TTC1: variants seen among roughly 807,000 people sequenced by gnomAD.
TTC1 encodes the protein tetratricopeptide repeat domain 1.
TTC1 carries 31 observed loss-of-function variants against 37.6 expected under a neutral mutation model. The observed-to-expected ratio is 0.82, with a 90% CI of 0.62 to 1.11. The LOEUF (loss-of-function observed/expected upper bound fraction) is 1.11. TTC1 is among the 50% of genes most tolerant of loss of function. The pLI, the probability that TTC1 is intolerant of heterozygous loss-of-function variation, is 0.00. For missense variants in TTC1, 351 were observed against 339.0 expected, an observed-to-expected ratio of 1.04 and a Z score of -0.28; for synonymous variants, 127 against 122.4, an observed-to-expected ratio of 1.04 and a Z score of -0.25.
At chr5:160,044,193 G>A (rs1240283585) in intron 5 of TTC1, among the ~76,000 whole-genome samples, 1 of 152,048 alleles carries the variant, frequency 6.6e-6, no homozygotes, top group African/African-American at 2.4e-5. Context: ...AACCTTATAT[G>A]TTATCTAGAT....
chr5:160,011,481 C>G (rs1212284426), intron 2 of TTC1, among the ~76,000 whole-genome samples: 2 of 152,168 alleles, frequency 1.3e-5, no homozygotes, highest in African/African-American at 2.4e-5. Flanking sequence ...AAGGAAACAG[C>G]TTAGAGGGAT....
intron 2 of TTC1, among the ~76,000 whole-genome samples, chr5:160,025,485 C>A (rs183501771): frequency 6.6e-6 from 1 of 152,162 alleles, no homozygotes; most frequent in African/African-American, 2.4e-5. Flanking sequence ...ACATAGGTCT[C>A]GAAATGACTA....
intron 3 of TTC1, 59 bp downstream of exon 3, chr5:160,035,259 GT>G: frequency 7.1e-7 from 1 of 1,406,030 alleles, no homozygotes; most frequent in Admixed American, 2.3e-5. Context: ...CTGTTGTAGA[GT>G]CTGTGAAGAA....
At chr5:160,036,951 A>G in intron 4 of TTC1, 148 bp downstream of exon 4, 1 of 574,284 alleles carries the variant, frequency 1.7e-6, no homozygotes. Context: ...CAGGGAGAAT[A>G]GAAAATCTTT....
rs1202139318 is a variant in TTC1, at chr5:160,045,520, A to ACACT, written c.541+2352_541+2353insACTC. On this transcript the variant is annotated intron_variant, in intron 5 of 7. Coordinates refer to ENST00000231238, the MANE Select transcript of TTC1 (RefSeq NM_003314.3). ...CACACACACACACACACACATACAC[A>ACACT]CTCTCTCTCTCTCTCTCTCTCTCTC... Among the ~76,000 whole-genome samples the ACACT allele has an allele frequency of 1.3e-3, 70 of 54,870 alleles. 3 individuals are homozygous for ACACT. Among genetic ancestry groups the ACACT allele is most frequent in the Non-Finnish European group, 1.7e-3 (51 of 30,656 alleles). The allele number at this position is 54,870 out of a possible 152,430, so 36.0% of individuals were successfully genotyped here.
chr5:160,051,931 C>T (rs1223641938), intron 7 of TTC1, among the ~76,000 whole-genome samples: 1 of 152,176 alleles, frequency 6.6e-6, no homozygotes, highest in East Asian at 1.9e-4. Context: ...AATCATGTGG[C>T]CCTAAAGGAA....
chr5:160,032,259 C>T (rs1300446115), intron 2 of TTC1, among the ~76,000 whole-genome samples: 3 of 152,128 alleles, frequency 2.0e-5, no homozygotes, highest in Non-Finnish European at 4.4e-5. Context: ...GATTATAGAT[C>T]AGAAAATAGC....
chr5:160,025,200 A>G (rs1348681066), intron 2 of TTC1, among the ~76,000 whole-genome samples: 4 of 151,780 alleles, frequency 2.6e-5, no homozygotes, highest in Non-Finnish European at 5.9e-5. Context: ...GCTAATTTTT[A>G]TATTTTTAAT....
chr5:160,053,474 G>C (rs1390220344), intron 7 of TTC1, among the ~76,000 whole-genome samples: 1 of 152,062 alleles, frequency 6.6e-6, no homozygotes, highest in Non-Finnish European at 1.5e-5. Flanking sequence ...TGCTGTGGGA[G>C]GATCACTTGA....
intron 7 of TTC1, among the ~76,000 whole-genome samples, chr5:160,062,789 C>A (rs1753460720): frequency 6.6e-6 from 1 of 152,004 alleles, no homozygotes; most frequent in Admixed American, 6.5e-5. Flanking sequence ...CCAACATTTT[C>A]TTGGGCTGCT....
intron 2 of TTC1, among the ~76,000 whole-genome samples, chr5:160,023,180 C>T (rs1055146898): frequency 3.3e-5 from 5 of 151,084 alleles, no homozygotes; most frequent in African/African-American, 4.9e-5. Flanking sequence ...CACTTGAACC[C>T]GGTAGGCGGA....
At chr5:160,028,114 A>G (rs1021238345) in intron 2 of TTC1, among the ~76,000 whole-genome samples, 5 of 152,012 alleles carry the variant, frequency 3.3e-5, no homozygotes, top group Non-Finnish European at 5.9e-5. Context: ...CCTGGCTAAC[A>G]TTGTGAAACT....
rs1181905813 is a variant in TTC1 at position 160,010,823 on chromosome 5, G to A, written c.295G>A (p.Glu99Lys). The A allele has an allele frequency of 1.2e-6, 2 of 1,612,762 alleles. No individual in the cohort carries two copies. Among genetic ancestry groups the A allele is most frequent in the Non-Finnish European group, 1.7e-6 (2 of 1,179,276 alleles). ...SSELDEEYLI[E>K]LEKNMSDEEK... Reference sequence around the variant, plus strand: ...TGAACTAGATGAAGAATACCTAATAGAACTGGAAAAAAACATGTCGGATGA... The same window carrying A: ...TGAACTAGATGAAGAATACCTAATAAAACTGGAAAAAAACATGTCGGATGA... Residue 99 changes from glutamate (E) to lysine (K), a missense_variant, in exon 2 of 8, where the codon GAA (glutamate) becomes AAA (lysine). Transcript: ENST00000231238.
intron 2 of TTC1, among the ~76,000 whole-genome samples, chr5:160,032,769 A>AGTGGCG (rs1392379928): frequency 8.2e-6 from 1 of 122,662 alleles, no homozygotes; most frequent in East Asian, 2.6e-4. Context: ...GCTAGAGTGC[A>AGTGGCG]GTGGCGCGGC....
chr5:160,023,595 A>T, intron 2 of TTC1: 1 of 656,604 alleles, frequency 1.5e-6, no homozygotes, highest in Non-Finnish European at 2.6e-6. Flanking sequence ...TTTTTATTTT[A>T]GGTAGTTTCG....
chr5:160,040,707 CAGCTGGGT>C, intron 4 of TTC1, among the ~76,000 whole-genome samples: 1 of 151,990 alleles, frequency 6.6e-6, no homozygotes, highest in Non-Finnish European at 1.5e-5. Flanking sequence ...GCCTCTCCAG[CAGCTGGGT>C]AGCTGGGACT....
At chr5:160,053,399 C>A (rs905264011) in intron 7 of TTC1, among the ~76,000 whole-genome samples, 2 of 151,996 alleles carry the variant, frequency 1.3e-5, no homozygotes, top group African/African-American at 2.4e-5. Context: ...ATGGCAAAAT[C>A]CTGTCACTAA....
intron 2 of TTC1, among the ~76,000 whole-genome samples, chr5:160,022,393 T>C (rs981078177): frequency 1.3e-5 from 2 of 152,190 alleles, no homozygotes; most frequent in African/African-American, 4.8e-5. Context: ...GTTCTCTAGC[T>C]TGGATTTTTG....
At chr5:160,038,514 G>A (rs187980231) in intron 4 of TTC1, among the ~76,000 whole-genome samples, 184 of 152,294 alleles carry the variant, frequency 1.2e-3, no homozygotes, top group Non-Finnish European at 1.7e-3. Context: ...AAATAGTCTG[G>A]TTCTTGAGTT....
Sources: allele counts gnomAD v4.1 joint callset (sites outside exome capture counted in the v4.1 genomes callset), GRCh38; gene constraint gnomAD v4.1.1; transcripts MANE v1.5; gene names NCBI Gene and HGNC (gene_info 2026-07-23, HGNC 2026-07-21).